Variants in AHSA1 observed in about 807,000 individuals in gnomAD.
AHSA1 encodes the protein activator of 90 kDa heat shock protein ATPase homolog 1.
Under a neutral mutation model 46.1 loss-of-function variants are expected in AHSA1, and 14 were observed. The observed-to-expected ratio is 0.30, with a 90% CI of 0.20 to 0.47. The LOEUF (loss-of-function observed/expected upper bound fraction) is 0.47, where lower values mean the gene tolerates loss of function less well. AHSA1 is among the 20% of genes least tolerant of loss of function. The pLI is 0.99. For missense variants in AHSA1, 333 were observed against 415.9 expected (o/e 0.80, Z 1.73); for synonymous variants, 147 against 145.8 (o/e 1.01, Z -0.06).
In AHSA1 at chr14:77,462,716, T is replaced by C; in HGVS notation, c.429T>C (p.Leu143=). Residue 143 remains leucine (L), a synonymous_variant, in exon 4 of 9, where the codon CTT becomes CTC. Coordinates refer to ENST00000216479, the MANE Select transcript of AHSA1 (RefSeq NM_012111.3). ...TAATGAAGGAAGAAGGGGTGAAACTTCTAAGAGAAGCAATGGGAATTTACA... is the reference window on the plus strand; with the variant it reads ...TAATGAAGGAAGAAGGGGTGAAACTCCTAAGAGAAGCAATGGGAATTTACA... ...VALMKEEGVK[L]LREAMGIYIS... 1.2e-6 allele frequency: 2 copies of C among 1,614,112 alleles called. No individual in the cohort carries two copies. Among genetic ancestry groups the C allele is most frequent in the Non-Finnish European group, 1.7e-6 (2 of 1,180,008 alleles).
rs371499592 is a variant in AHSA1, at chr14:77,468,131, G to A, written c.739G>A (p.Gly247Ser). 1 of 1,563,502 alleles carries A rather than the reference G, an allele frequency of 6.4e-7. No homozygotes were observed. Among genetic ancestry groups the A allele is most frequent in the Non-Finnish European group, 8.7e-7 (1 of 1,153,386 alleles). Residue 247 changes from glycine (G) to serine (S), a missense_variant, in exon 7 of 9, where the codon GGT becomes AGT. Gly to Ser is a moderately conservative substitution (Grantham distance 56, BLOSUM62 0). Coordinates refer to ENST00000216479, the MANE Select transcript of AHSA1 (RefSeq NM_012111.3). ...TCCTGCAACATTAGAAGCAGACAGA[G>A]GTGGAAAGTTCCACATGGTAGATGG... Reference protein sequence around the residue: ...HAPATLEADRGGKFHMVDGNV... With the variant: ...HAPATLEADRSGKFHMVDGNV...
chr14:77,465,622 C>A lies in AHSA1; in HGVS notation c.645C>A (p.Phe215Leu). 6.2e-7 allele frequency: 1 copy of A among 1,613,932 alleles called. No homozygotes were observed. Among genetic ancestry groups the A allele is most frequent in the East Asian group, 2.2e-5 (1 of 44,874 alleles). Reference sequence around the variant, plus strand: ...GTAAGATCACTCTTAAGGAAACCTTCCTGACGTCACCAGAGGAGCTCTATA... The same window carrying A: ...GTAAGATCACTCTTAAGGAAACCTTACTGACGTCACCAGAGGAGCTCTATA... Reference protein sequence around the residue: ...PTCKITLKETFLTSPEELYRV... With the variant: ...PTCKITLKETLLTSPEELYRV... Residue 215 changes from phenylalanine (F) to leucine (L), a missense_variant, in exon 6 of 9, where the codon TTC (phenylalanine) becomes TTA (leucine). Coordinates refer to ENST00000216479, the MANE Select transcript of AHSA1 (RefSeq NM_012111.3).
At chr14:77,465,706 C>T (rs780880008) in intron 6 of AHSA1, 39 bp downstream of exon 6, 1 of 1,607,426 alleles carries the variant, frequency 6.2e-7, no homozygotes, top group Non-Finnish European at 8.5e-7. Context: ...TGCCATCTGC[C>T]CTTCTAGGTG....
In AHSA1 at chr14:77,462,174, G is replaced by C. The variant is rs756367412; in HGVS notation, c.286G>C (p.Gly96Arg). 26 of 1,612,024 alleles carry C rather than the reference G, an allele frequency of 1.6e-5. No individual in the cohort carries two copies. Among genetic ancestry groups the C allele is most frequent in the Non-Finnish European group, 2.0e-5 (23 of 1,178,190 alleles). Residue 96 changes from glycine (G) to arginine (R), a missense_variant, in exon 3 of 9, where the codon GGA becomes CGA. Gly to Arg is a moderately radical substitution (Grantham distance 125). Transcript: ENST00000216479. The stretch of plus-strand genomic sequence containing the variant: ...GGTTTTGACAGGTACTTCTAAGTCA[G>C]GAGTACAATACAAAGGACATGTGGA... ...KLNWTGTSKS[G>R]VQYKGHVEIP...
At chr14:77,461,426 A>G (rs2079024040) in intron 2 of AHSA1, among the ~76,000 whole-genome samples, 1 of 152,148 alleles carries the variant, frequency 6.6e-6, no homozygotes, top group East Asian at 1.9e-4. Context: ...GCTACTTGGG[A>G]GGCTGAAGCA....
chr14:77,462,549 A>C (rs1286234178), intron 3 of AHSA1, 93 bp from the exon 4 acceptor site: 9 of 1,170,028 alleles, frequency 7.7e-6, no homozygotes, highest in Non-Finnish European at 1.2e-5. Flanking sequence ...TTCCTTTGGA[A>C]ATGTCAGCAG....
chr14:77,466,041 G>C (rs937629060), intron 6 of AHSA1, among the ~76,000 whole-genome samples: 2 of 152,072 alleles, frequency 1.3e-5, no homozygotes, highest in African/African-American at 4.8e-5. Flanking sequence ...TTTTTTAGTA[G>C]AGATGGGCTG....
At chr14:77,458,396 C>T in intron 1 of AHSA1, 127 bp downstream of exon 1, 2 of 934,824 alleles carry the variant, frequency 2.1e-6, no homozygotes, top group Non-Finnish European at 3.1e-6. Flanking sequence ...GGGGTGGGTC[C>T]TTCCTGTGGC....
In AHSA1 at chr14:77,458,246, C is replaced by A; in HGVS notation, c.57C>A (p.Ala19=). The A allele has an allele frequency of 6.5e-7, 1 of 1,547,390 alleles. No homozygotes were observed. Among genetic ancestry groups the A allele is most frequent in the East Asian group, 2.5e-5 (1 of 40,312 alleles). The change falls in exon 1 of 9, where the codon GCC becomes GCA. Residue 19 remains alanine, a synonymous_variant. Transcript: ENST00000216479. ...PRWIVEERAD[A]TNVNNWHWTE... Reference sequence around the variant, plus strand: ...GGATCGTGGAGGAGCGGGCGGACGCCACCAACGTCAACAACTGGCACTGGT... The same window carrying A: ...GGATCGTGGAGGAGCGGGCGGACGCAACCAACGTCAACAACTGGCACTGGT...
Position 77,465,655 on chromosome 14 carries a change from T to C in AHSA1, c.678T>C (p.Phe226=). The C allele has an allele frequency of 1.2e-6, 2 of 1,613,584 alleles. No homozygotes were observed. The highest frequency in any genetic ancestry group is 1.1e-5 in the South Asian group (1 of 91,078). ...LTSPEELYRV[F]TTQELVQAFT... ...CACCAGAGGAGCTCTATAGAGTGTTTACCACCCAAGAGGTAAGTAAGTCTT... is the reference window on the plus strand; with the variant it reads ...CACCAGAGGAGCTCTATAGAGTGTTCACCACCCAAGAGGTAAGTAAGTCTT... The change falls in exon 6 of 9, where the codon TTT becomes TTC. Residue 226 remains phenylalanine, a synonymous_variant. Transcript: ENST00000216479.
At chr14:77,464,902 G>A (rs535564767) in intron 5 of AHSA1, among the ~76,000 whole-genome samples, 27 of 152,068 alleles carry the variant, frequency 1.8e-4, no homozygotes, top group Non-Finnish European at 2.6e-4. Context: ...GAGCAAGTAG[G>A]AGCTATCAGA....
At chr14:77,461,492 T>C (rs2079024384) in intron 2 of AHSA1, among the ~76,000 whole-genome samples, 1 of 152,162 alleles carries the variant, frequency 6.6e-6, no homozygotes, top group Admixed American at 6.5e-5. Flanking sequence ...ATCATGCCAC[T>C]GCAATCCAGC....
chr14:77,468,173 T>C lies in AHSA1; in HGVS notation c.781T>C (p.Phe261Leu). 1 of 1,556,812 alleles carries C rather than the reference T, an allele frequency of 6.4e-7. No individual in the cohort carries two copies. Among genetic ancestry groups the C allele is most frequent in the Non-Finnish European group, 8.7e-7 (1 of 1,148,626 alleles). The change falls in exon 7 of 9, where the codon TTT becomes CTT. Residue 261 changes from phenylalanine to leucine, a missense_variant. Physicochemically the swap from Phe to Leu is conservative, Grantham distance 22. Transcript: ENST00000216479. ...GGTAGATGGCAACGTCTCTGGGGAA[T>C]TTACTGATCTGGTGAGTACCTGCCG... ...HMVDGNVSGEFTDLVPEKHIV... is the reference protein window; with the variant it reads ...HMVDGNVSGELTDLVPEKHIV...
At chr14:77,467,035 G>A (rs1042015244) in intron 6 of AHSA1, among the ~76,000 whole-genome samples, 2 of 152,162 alleles carry the variant, frequency 1.3e-5, no homozygotes, top group East Asian at 1.9e-4. Context: ...TTAAAAAATA[G>A]TAAAGTCTTA....
chr14:77,468,243 C>G, intron 7 of AHSA1, 59 bp downstream of exon 7: 1 of 1,264,862 alleles, frequency 7.9e-7, no homozygotes, highest in Non-Finnish European at 1.1e-6. Context: ...AGTGACATTT[C>G]TCTTTTTCTG....
intron 1 of AHSA1, among the ~76,000 whole-genome samples, chr14:77,458,546 G>T (rs1026651125): frequency 2.6e-5 from 4 of 152,258 alleles, no homozygotes; most frequent in Non-Finnish European, 4.4e-5. Flanking sequence ...GCTGCATCCA[G>T]CCCGAGCAGG....
At chr14:77,462,783 G>T (rs1369561467) in intron 4 of AHSA1, 24 bp downstream of exon 4, 1 of 1,590,388 alleles carries the variant, frequency 6.3e-7, no homozygotes, top group Non-Finnish European at 8.6e-7. Context: ...AGTTCTGTAT[G>T]CCTTAAGGAG....
chr14:77,468,631 C>G (rs765537467), intron 8 of AHSA1, 123 bp downstream of exon 8: 1 of 841,672 alleles, frequency 1.2e-6, no homozygotes, highest in Non-Finnish European at 1.9e-6. Flanking sequence ...GGCATAATCA[C>G]AGCAAACTGC....
At chr14:77,460,242 G>T in intron 2 of AHSA1, 2 of 203,206 alleles carry the variant, frequency 9.8e-6, no homozygotes, top group Non-Finnish European at 1.0e-5. Context: ...ATTTGGGGCT[G>T]TTTTATCTAT....
Sources: allele counts gnomAD v4.1 joint callset (sites outside exome capture counted in the v4.1 genomes callset), GRCh38; gene constraint gnomAD v4.1.1; transcripts MANE v1.5; gene names NCBI Gene and HGNC (gene_info 2026-07-23, HGNC 2026-07-21).